BICDL1: variants seen among roughly 807,000 people sequenced by gnomAD.
BICDL1 encodes the protein BICD family like cargo adaptor 1, also known as BICD family-like cargo adapter 1.
BICDL1 carries 20 observed loss-of-function variants against 76.8 expected under a neutral mutation model. The ratio of observed to expected loss-of-function variants is 0.26; its 90% CI spans 0.18 to 0.38. The LOEUF (loss-of-function observed/expected upper bound fraction) is 0.38. Ranked by LOEUF, BICDL1 falls within the 10% of genes least tolerant of loss-of-function variation. BICDL1 has a pLI of 1.00. For missense variants in BICDL1, 700 were observed against 798.6 expected (o/e 0.88, Z 1.49); for synonymous variants, 383 against 337.1 (o/e 1.14, Z -1.49).
At chr12:120,014,868 C>T (rs1952028897) in intron 2 of BICDL1, among the ~76,000 whole-genome samples, 1 of 151,816 alleles carries the variant, frequency 6.6e-6, no homozygotes, top group Non-Finnish European at 1.5e-5. Context: ...ATTTGTATGT[C>T]ATGTTACTTC....
intron 2 of BICDL1, among the ~76,000 whole-genome samples, chr12:120,036,122 A>C (rs373197285): frequency 1.1e-4 from 16 of 152,358 alleles, no homozygotes; most frequent in East Asian, 3.9e-4. Flanking sequence ...TTTAGCTATT[A>C]ACAAATAATG....
intron 2 of BICDL1, among the ~76,000 whole-genome samples, chr12:120,053,502 A>G (rs1952908699): frequency 6.6e-6 from 1 of 152,184 alleles, no homozygotes; most frequent in Admixed American, 6.5e-5. Flanking sequence ...ATAATCCATT[A>G]CTGTCATTAT....
rs1363985605 is a variant in BICDL1 at position 120,057,744 on chromosome 12, G to A, written c.646-3966G>A. Among the ~76,000 whole-genome samples, 4 of 151,668 alleles carry A rather than the reference G, an allele frequency of 2.6e-5. 1 individual carries two copies. Among genetic ancestry groups the A allele is most frequent in the African/African-American group, 9.7e-5 (4 of 41,254 alleles). On this transcript the variant is annotated intron_variant, in intron 2 of 9. Transcript: ENST00000548673. ...GCTGGAAGGTGGCTGTGATGTGGTG[G>A]CCAAAGGCCAGTGCAGTACACACCC...
At chr12:119,993,974 T>C (rs1951582653) in intron 1 of BICDL1, among the ~76,000 whole-genome samples, 1 of 152,228 alleles carries the variant, frequency 6.6e-6, no homozygotes, top group Non-Finnish European at 1.5e-5. Context: ...CAATTAGCCG[T>C]TTTGCTTTAA....
In BICDL1 at chr12:119,989,619, T is replaced by C. The variant is rs1951468857; in HGVS notation, c.-250T>C. On this transcript the variant is annotated 5_prime_UTR_variant, in exon 1 of 10. Transcript: ENST00000548673. Reference sequence around the variant, plus strand: ...CCGTTCCCACCACCTACTCCGCCACTACCCCCACCCCCTCCTCCCGCGCGC... The same window carrying C: ...CCGTTCCCACCACCTACTCCGCCACCACCCCCACCCCCTCCTCCCGCGCGC... Among the ~76,000 whole-genome samples, 1 of 148,602 alleles carries C rather than the reference T, an allele frequency of 6.7e-6. No homozygotes were observed. The highest frequency in any genetic ancestry group is 2.1e-4 in the South Asian group (1 of 4,750).
At chr12:120,014,341 G>T (rs11064993) in intron 2 of BICDL1, among the ~76,000 whole-genome samples, 7 of 152,060 alleles carry the variant, frequency 4.6e-5, no homozygotes, top group African/African-American at 1.7e-4. Context: ...ATGTAGCATC[G>T]GATTGAGGCA....
chr12:120,084,295 C>G (rs1028665957), intron 8 of BICDL1, among the ~76,000 whole-genome samples: 1 of 152,192 alleles, frequency 6.6e-6, no homozygotes, highest in East Asian at 1.9e-4. Context: ...AGCCACCACA[C>G]CCGGCCAACA....
intron 2 of BICDL1, among the ~76,000 whole-genome samples, chr12:120,055,319 T>C (rs993664427): frequency 1.8e-4 from 28 of 152,200 alleles, no homozygotes; most frequent in African/African-American, 6.5e-4. Flanking sequence ...AACAAGAAAG[T>C]GTGTAGTGAA....
intron 1 of BICDL1, among the ~76,000 whole-genome samples, chr12:119,997,099 C>T (rs1471019612): frequency 6.6e-6 from 1 of 152,032 alleles, no homozygotes; most frequent in Admixed American, 6.6e-5. Context: ...CAGGCCCTCG[C>T]CACCTCGCCC....
rs575121004 is a variant in BICDL1 at position 120,078,227 on chromosome 12, T to C, written c.1453-2660T>C. Among the ~76,000 whole-genome samples the C allele has an allele frequency of 2.0e-5, 3 of 152,330 alleles. No homozygotes were observed. In the East Asian group the frequency reaches 5.8e-4, roughly 29 times the overall value. Reference sequence around the variant, plus strand: ...TCTTGTCACAGTTACCCTGCTCACATCTCATCTTCTCAGTCAAACCCTAGA... The same window carrying C: ...TCTTGTCACAGTTACCCTGCTCACACCTCATCTTCTCAGTCAAACCCTAGA... On this transcript the variant is annotated intron_variant, in intron 7 of 9. Coordinates refer to ENST00000548673, the MANE Select transcript of BICDL1 (RefSeq NM_001367886.1).
intron 2 of BICDL1, among the ~76,000 whole-genome samples, chr12:120,016,520 C>G (rs1952065945): frequency 7.0e-6 from 1 of 142,864 alleles, no homozygotes; most frequent in Non-Finnish European, 1.5e-5. Context: ...GCTCACTACT[C>G]TGGTGATTCT....
intron 1 of BICDL1, among the ~76,000 whole-genome samples, chr12:119,996,030 A>G (rs1951638063): frequency 6.6e-6 from 1 of 152,154 alleles, no homozygotes; most frequent in South Asian, 2.1e-4. Flanking sequence ...AAGCAATACA[A>G]GGGATGCATA....
chr12:120,019,762 T>C (rs1012856936), intron 2 of BICDL1, among the ~76,000 whole-genome samples: 1 of 152,204 alleles, frequency 6.6e-6, no homozygotes, highest in African/African-American at 2.4e-5. Flanking sequence ...CACATTATTT[T>C]GATGGCGATA....
intron 7 of BICDL1, among the ~76,000 whole-genome samples, chr12:120,075,881 A>C (rs1046934605): frequency 3.9e-5 from 6 of 152,206 alleles, no homozygotes; most frequent in Non-Finnish European, 8.8e-5. Flanking sequence ...TGGCTTGGCC[A>C]GGCACGGTGG....
rs1295933185 is a variant in BICDL1 at position 119,990,193 on chromosome 12, G to A, written c.325G>A (p.Asp109Asn). 3 of 1,561,042 alleles carry A rather than the reference G, an allele frequency of 1.9e-6. No homozygotes were observed. Among genetic ancestry groups the A allele is most frequent in the Non-Finnish European group, 2.6e-6 (3 of 1,153,052 alleles). Residue 109 changes from aspartate to asparagine, a missense_variant, in exon 1 of 10, where the codon GAT becomes AAT. Physicochemically the swap from Asp to Asn is conservative, Grantham distance 23. Coordinates refer to ENST00000548673, the MANE Select transcript of BICDL1 (RefSeq NM_001367886.1). ...GTCGGTGATCCGACAGAAGGAGAAGGATCTGGTGTTGGCGGCCCGGCTGGG... is the reference window on the plus strand; with the variant it reads ...GTCGGTGATCCGACAGAAGGAGAAGAATCTGGTGTTGGCGGCCCGGCTGGG... ...LLSVIRQKEK[D>N]LVLAARLGKA...
At position 120,094,442 on chromosome 12, in the gene BICDL1, C is replaced by T. The variant is rs937485218; in HGVS notation, c.*1281C>T. 6.2e-6 allele frequency: 2 copies of T among 320,210 alleles called. No individual in the cohort carries two copies. Among genetic ancestry groups the T allele is most frequent in the Non-Finnish European group, 1.3e-5 (2 of 157,498 alleles). 19.8% of individuals were successfully genotyped at this position (320,210 alleles called of 1,614,324 possible). ...GGCATATTTTTAGAAAAACAGCACACCACTGCTTCTTTTGAAAATAGTCTG... is the reference window on the plus strand; with the variant it reads ...GGCATATTTTTAGAAAAACAGCACATCACTGCTTCTTTTGAAAATAGTCTG... On this transcript the variant is annotated 3_prime_UTR_variant, in exon 10 of 10. Coordinates refer to ENST00000548673, the MANE Select transcript of BICDL1 (RefSeq NM_001367886.1).
chr12:120,064,821 A>C lies in BICDL1; in HGVS notation c.851A>C (p.Glu284Ala). The C allele has an allele frequency of 6.2e-7, 1 of 1,613,702 alleles. No individual in the cohort carries two copies. Among genetic ancestry groups the C allele is most frequent in the South Asian group, 1.1e-5 (1 of 91,044 alleles). ...AATGACCTGCTCCAAGGGACCGTGG[A>C]GGAGCTACAGGACCGGGTGCTAATC... ...EENDLLQGTV[E>A]ELQDRVLILE... Residue 284 changes from glutamate to alanine, a missense_variant, in exon 4 of 10, where the codon GAG becomes GCG. Glu to Ala is a moderately radical substitution (Grantham distance 107). This residue lies in a region of BICDL1 where 455 missense variants were observed against 548.7 expected (regional missense o/e 0.83). Transcript: ENST00000548673.
rs1951485365 is a variant in BICDL1, at chr12:119,990,134, C to G, written c.266C>G (p.Pro89Arg). 1.9e-6 allele frequency: 3 copies of G among 1,550,070 alleles called. No homozygotes were observed. The highest frequency in any genetic ancestry group is 2.6e-6 in the Non-Finnish European group (3 of 1,147,088). The stretch of plus-strand genomic sequence containing the variant: ...GGGTCTCTGGCCGAGGGGGCCGGAC[C>G]GCAGCCGCCGCCCTCCCAGGACCCC... ...EPGSLAEGAG[P>R]QPPPSQDPEL... Residue 89 changes from proline to arginine, a missense_variant, in exon 1 of 10, where the codon CCG (proline) becomes CGG (arginine). Physicochemically the swap from Pro to Arg is moderately radical, Grantham distance 103. Coordinates refer to ENST00000548673, the MANE Select transcript of BICDL1 (RefSeq NM_001367886.1).
chr12:120,018,379 A>G (rs1009444227), intron 2 of BICDL1, among the ~76,000 whole-genome samples: 1 of 152,220 alleles, frequency 6.6e-6, no homozygotes, highest in Admixed American at 6.5e-5. Flanking sequence ...GGACTCTCTC[A>G]GATTCCCTGT....
Sources: allele counts gnomAD v4.1 joint callset (sites outside exome capture counted in the v4.1 genomes callset), GRCh38; gene constraint gnomAD v4.1.1; regional missense constraint gnomAD v4.1.1; transcripts MANE v1.5; gene names NCBI Gene and HGNC (gene_info 2026-07-23, HGNC 2026-07-21).